The following UNC79 variants were observed in gnomAD, a reference collection of about 807,000 sequenced individuals.
UNC79 encodes protein unc-79 homolog.
In UNC79, 37 loss-of-function variants were observed where a neutral mutation model predicts 283.1. The ratio of observed to expected loss-of-function variants is 0.13; its 90% CI spans 0.10 to 0.17. The LOEUF is 0.17. UNC79 is among the 10% of genes least tolerant of loss of function. The pLI is 1.00. For synonymous variants in UNC79, 1,107 were observed against 1,200.2 expected (o/e 0.92, Z 1.61); for missense variants, 2,272 against 3,211.1 (o/e 0.71, Z 7.07).
chr14:93,386,233 T>C (rs2054771922), intron 1 of UNC79, among the ~76,000 whole-genome samples: 1 of 152,186 alleles, frequency 6.6e-6, no homozygotes, highest in Non-Finnish European at 1.5e-5. Context: ...AATGATCATA[T>C]TGTTTTTGTC....
intron 22 of UNC79, among the ~76,000 whole-genome samples, chr14:93,588,207 G>C (rs1333672517): frequency 2.6e-5 from 4 of 152,108 alleles, no homozygotes; most frequent in Non-Finnish European, 5.9e-5. Context: ...ATGATGTTTG[G>C]AGATCCATGG....
At chr14:93,399,214 C>T (rs1277738339) in intron 1 of UNC79, among the ~76,000 whole-genome samples, 1 of 152,126 alleles carries the variant, frequency 6.6e-6, no homozygotes, top group East Asian at 1.9e-4. Context: ...CCTCCCTCTA[C>T]ATGTGGGGAT....
chr14:93,675,709 G>A lies in UNC79; in HGVS notation c.6741+2254G>A, dbSNP rs200246939. On this transcript the variant is annotated intron_variant, in intron 41 of 48. Transcript: ENST00000555664. Reference sequence around the variant, plus strand: ...AACTGAGTTTTTCTCAAAGGCTTGAGATTTAATTAAAAAGTTGGTGTACTT... The same window carrying A: ...AACTGAGTTTTTCTCAAAGGCTTGAAATTTAATTAAAAAGTTGGTGTACTT... Among the ~76,000 whole-genome samples, 4 of 152,210 alleles carry A rather than the reference G, an allele frequency of 2.6e-5. No individual in the cohort carries two copies. The South Asian group carries it at 8.3e-4, about 32-fold the overall frequency.
At chr14:93,395,404 G>C (rs756436649) in intron 1 of UNC79, among the ~76,000 whole-genome samples, 12 of 152,224 alleles carry the variant, frequency 7.9e-5, no homozygotes, top group Non-Finnish European at 1.8e-4. Context: ...GAAACTCACA[G>C]TCATGACAAA....
intron 1 of UNC79, among the ~76,000 whole-genome samples, chr14:93,417,623 A>G (rs1357346943): frequency 6.6e-6 from 1 of 152,190 alleles, no homozygotes; most frequent in African/African-American, 2.4e-5. Context: ...GTGTTTTCCA[A>G]CTTGGTTCCA....
chr14:93,621,523 T>A lies in UNC79; in HGVS notation c.4388-98T>A. The A allele has an allele frequency of 7.4e-7, 1 of 1,343,610 alleles. No homozygotes were observed. Among genetic ancestry groups the A allele is most frequent in the Non-Finnish European group, 9.7e-7 (1 of 1,026,414 alleles). The allele number at this position is 1,343,610 out of a possible 1,614,324, so 83.2% of individuals were successfully genotyped here. A position where few individuals can be genotyped will look rare whatever the true frequency, so the allele number is the denominator to read the frequency against. ...TTTTCCCTCCTGGTGGAGCTGGGAT[T>A]GTGATGATGATTTATGCCAATTGTA... On this transcript the variant is annotated intron_variant, in intron 29 of 48. Transcript: ENST00000555664. The surrounding 1 kb of genome is among the most constrained non-coding windows in gnomAD (Gnocchi z 4.8).
At chr14:93,461,182 C>T (rs569729005) in intron 1 of UNC79, among the ~76,000 whole-genome samples, 1 of 152,178 alleles carries the variant, frequency 6.6e-6, no homozygotes, top group African/African-American at 2.4e-5. Flanking sequence ...TGATTTTTAT[C>T]TTCTTCATGT....
chr14:93,387,446 G>A (rs1385025441), intron 1 of UNC79, among the ~76,000 whole-genome samples: 2 of 151,944 alleles, frequency 1.3e-5, no homozygotes, highest in African/African-American at 4.8e-5. Context: ...GTTGCCATTA[G>A]CATTTGTTTC....
At chr14:93,623,468 G>A (rs1449991623) in intron 30 of UNC79, among the ~76,000 whole-genome samples, 1 of 152,176 alleles carries the variant, frequency 6.6e-6, no homozygotes, top group Non-Finnish European at 1.5e-5. Context: ...TTGCTTGGAG[G>A]CATTGTTTCT....
rs140641980 is a variant in UNC79 at position 93,376,657 on chromosome 14, A to G, written c.-351+43134A>G. Among the ~76,000 whole-genome samples the G allele has an allele frequency of 1.2e-3, 189 of 152,242 alleles. 1 individual carries two copies. Among genetic ancestry groups the G allele is most frequent in the Non-Finnish European group, 2.1e-3 (141 of 67,998 alleles). The stretch of plus-strand genomic sequence containing the variant: ...CAACCAGCAGCATGAGCAGTTAGCT[A>G]TTATAGAAAGCAGAGAAATCATCTG... On this transcript the variant is annotated intron_variant, in intron 1 of 49. Transcript: ENST00000256339.
At chr14:93,628,679 C>T (rs904882386) in intron 30 of UNC79, among the ~76,000 whole-genome samples, 3 of 152,176 alleles carry the variant, frequency 2.0e-5, no homozygotes, top group Non-Finnish European at 2.9e-5. Context: ...GATAGCCTGA[C>T]ATTTTCTTCC....
intron 1 of UNC79, among the ~76,000 whole-genome samples, chr14:93,391,991 T>A (rs552015813): frequency 2.2e-4 from 33 of 152,244 alleles, no homozygotes; most frequent in Middle Eastern, 3.4e-3. Flanking sequence ...GAAGGGTAAA[T>A]TGGCACAACA....
intron 1 of UNC79, among the ~76,000 whole-genome samples, chr14:93,415,422 A>G (rs916832036): frequency 6.6e-6 from 1 of 152,212 alleles, no homozygotes; most frequent in African/African-American, 2.4e-5. Context: ...TCAGTTTGCC[A>G]GTATTTTATT....
At chr14:93,492,119 G>T (rs770350254) in intron 5 of UNC79, among the ~76,000 whole-genome samples, 1 of 152,170 alleles carries the variant, frequency 6.6e-6, no homozygotes, top group Non-Finnish European at 1.5e-5. Flanking sequence ...GCTAGGCATT[G>T]TGAAAACCAC....
chr14:93,352,793 T>C (rs566947646), intron 1 of UNC79, among the ~76,000 whole-genome samples: 1 of 152,360 alleles, frequency 6.6e-6, no homozygotes, highest in South Asian at 2.1e-4. Flanking sequence ...GACTTAACAA[T>C]GGGGTTACCT....
At position 93,621,824 on chromosome 14, in the gene UNC79, C is replaced by G; in HGVS notation, c.4591C>G (p.Pro1531Ala). The change falls in exon 30 of 49, where the codon CCT (proline) becomes GCT (alanine). Residue 1531 changes from proline (P) to alanine (A), a missense_variant. Pro to Ala is a conservative substitution (Grantham distance 27, BLOSUM62 -1). Coordinates refer to ENST00000555664, the Ensembl canonical transcript of UNC79. This position sits in a 1 kb window ranked among gnomAD's most constrained non-coding sequence, Gnocchi z 4.8. Reference sequence around the variant, plus strand: ...CATAGATCGGTGTGACATAGAGAAGCCTCCGACCCAAGCTGCGTATATCGC... The same window carrying G: ...CATAGATCGGTGTGACATAGAGAAGGCTCCGACCCAAGCTGCGTATATCGC... 3 of 1,614,096 alleles carry G rather than the reference C, an allele frequency of 1.9e-6. No individual in the cohort carries two copies. Among genetic ancestry groups the G allele is most frequent in the Non-Finnish European group, 2.5e-6 (3 of 1,180,016 alleles).
intron 39 of UNC79, 143 bp from the exon 43 acceptor site, chr14:93,662,461 G>T (rs940233519): frequency 7.4e-6 from 4 of 541,810 alleles, no homozygotes; most frequent in African/African-American, 1.9e-5. Flanking sequence ...TAGACCAATG[G>T]GGTTGCTACA....
intron 47 of UNC79, among the ~76,000 whole-genome samples, chr14:93,699,010 A>C (rs946494564): frequency 2.3e-4 from 35 of 152,174 alleles, no homozygotes. Flanking sequence ...CTTTCTTTTG[A>C]CTAATGATAG....
chr14:93,655,193 G>T (rs2070787739), intron 37 of UNC79, 41 bp from the exon 41 acceptor site: 18 of 1,603,394 alleles, frequency 1.1e-5, no homozygotes, highest in Non-Finnish European at 1.4e-5. Context: ...GCATTCCCGT[G>T]CTGTTTCAGC....
Sources: gnomAD v4.1 joint callset for allele counts (sites outside exome capture counted in the v4.1 genomes callset) on GRCh38, gnomAD v4.1.1 for gene constraint, Gnocchi (gnomAD v3.1) non-coding constraint, MANE v1.5 for transcripts, NCBI Gene and HGNC (gene_info 2026-07-23, HGNC 2026-07-21) for gene names.